Variants in NRDC observed in about 807,000 individuals in gnomAD.
NRDC encodes nardilysin convertase.
A neutral mutation model predicts 147.1 loss-of-function variants in NRDC; 54 were observed. The observed-to-expected ratio is 0.37, with a 90% CI of 0.29 to 0.46. The LOEUF is 0.46. Among genes scored for constraint, NRDC ranks in the 20% least tolerant of loss-of-function variants. The pLI, the probability that NRDC is intolerant of heterozygous loss-of-function variation, is 1.00. For missense variants in NRDC, 1,082 were observed against 1,370.6 expected (o/e 0.79, Z 3.33); for synonymous variants, 440 against 482.1 (o/e 0.91, Z 1.14).
intron 2 of NRDC, among the ~76,000 whole-genome samples, chr1:51,838,252 C>T (rs1322035522): frequency 6.6e-6 from 1 of 152,098 alleles, no homozygotes; most frequent in Non-Finnish European, 1.5e-5. Flanking sequence ...ATTTTAAAAA[C>T]GATCACTAGA....
intron 2 of NRDC, among the ~76,000 whole-genome samples, chr1:51,839,160 C>CTTTTT (rs5774110): frequency 1.5e-5 from 2 of 133,774 alleles, no homozygotes; most frequent in East Asian, 2.2e-4. Context: ...TTTTCTTTTT[C>CTTTTT]TTTTTTTTTT....
At chr1:51,865,152 A>T (rs748026846) in intron 1 of NRDC, among the ~76,000 whole-genome samples, 6 of 152,062 alleles carry the variant, frequency 3.9e-5, no homozygotes, top group Non-Finnish European at 8.8e-5. Context: ...TCAAAATAAA[A>T]TGAATTTTTA....
At chr1:51,832,249 G>C (rs912772979) in intron 4 of NRDC, among the ~76,000 whole-genome samples, 3 of 151,972 alleles carry the variant, frequency 2.0e-5, no homozygotes, top group African/African-American at 7.3e-5. Flanking sequence ...GTTTCACCGT[G>C]TTGGCCAGGC....
At chr1:51,845,804 A>T (rs1239124617) in intron 1 of NRDC, among the ~76,000 whole-genome samples, 1 of 152,192 alleles carries the variant, frequency 6.6e-6, no homozygotes, top group Admixed American at 6.5e-5. Context: ...TCACAGCTAT[A>T]TCCTGGGACA....
At chr1:51,842,729 A>C (rs144563624) in intron 1 of NRDC, among the ~76,000 whole-genome samples, 2 of 152,364 alleles carry the variant, frequency 1.3e-5, no homozygotes, top group African/African-American at 2.4e-5. Flanking sequence ...TTAGGTATAC[A>C]TATATATCCA....
chr1:51,872,081 G>A (rs1343448529), intron 1 of NRDC, among the ~76,000 whole-genome samples: 2 of 152,182 alleles, frequency 1.3e-5, no homozygotes, highest in East Asian at 3.9e-4. Flanking sequence ...ATGTTGGCCA[G>A]GTAGGTCTCC....
At chr1:51,822,400 G>A (rs1486098683) in intron 7 of NRDC, among the ~76,000 whole-genome samples, 1 of 152,022 alleles carries the variant, frequency 6.6e-6, no homozygotes, top group African/African-American at 2.4e-5. Flanking sequence ...TCTAGCCTAG[G>A]CACAGTGGCT....
At chr1:51,872,985 T>C (rs1400087013) in intron 1 of NRDC, among the ~76,000 whole-genome samples, 1 of 152,158 alleles carries the variant, frequency 6.6e-6, no homozygotes, top group East Asian at 1.9e-4. Flanking sequence ...ATGGAAGTCA[T>C]AATGATTTCT....
chr1:51,789,906 A>C (rs1474660463), intron 29 of NRDC: 2 of 493,140 alleles, frequency 4.1e-6, no homozygotes, highest in Non-Finnish European at 7.3e-6. Context: ...GCTAAATACC[A>C]TACACTGAGC....
chr1:51,811,908 G>A (rs377643270), intron 15 of NRDC, 86 bp downstream of exon 15: 24 of 815,572 alleles, frequency 2.9e-5, no homozygotes, highest in Admixed American at 7.0e-5. Flanking sequence ...AGTTTTCTTC[G>A]TTCCCATGGT....
At chr1:51,834,230 C>A in intron 3 of NRDC, 60 bp from the exon 4 acceptor site, 1 of 1,553,966 alleles carries the variant, frequency 6.4e-7, no homozygotes. Flanking sequence ...TTTTATCACA[C>A]ATGAACTTTC....
In NRDC at chr1:51,840,253, T is replaced by G; in HGVS notation, c.603A>C (p.Glu201Asp). ...NELEELEERA[E>D]ARKKTTEKQS... is the part of the protein sequence containing the mutation. ...GTTTTTCAGTAGTTTTTTTTCTAGC[T>G]TCTGCTCTCTCTTCTAATTCTTCCA... The change falls in exon 2 of 31, where the codon GAA becomes GAC. Residue 201 changes from glutamate to aspartate, a missense_variant. Physicochemically the swap from Glu to Asp is conservative, Grantham distance 45. This residue lies in a region of NRDC where 260 missense variants were observed against 253.2 expected (regional missense o/e 1.03). Coordinates refer to ENST00000352171, the MANE Select transcript of NRDC (RefSeq NM_001101662.2). 6.2e-7 allele frequency: 1 copy of G among 1,604,572 alleles called. No individual in the cohort carries two copies. Among genetic ancestry groups the G allele is most frequent in the Non-Finnish European group, 8.5e-7 (1 of 1,176,542 alleles).
At chr1:51,820,662 T>C (rs1416552812) in intron 8 of NRDC, among the ~76,000 whole-genome samples, 2 of 152,162 alleles carry the variant, frequency 1.3e-5, no homozygotes, top group Non-Finnish European at 2.9e-5. Context: ...GAAATTCATA[T>C]AAAGCCAAAT....
Position 51,849,414 on chromosome 1 carries a change from C to CA in NRDC, c.342-8901dup, listed in dbSNP as rs534874809. 2.8e-4 allele frequency among the ~76,000 whole-genome samples: 43 copies of CA among 150,942 alleles called. No homozygotes were observed. In the East Asian group the frequency reaches 4.1e-3, roughly 14 times the overall value. ...TGGGCGACAGGGCAAGACTCCTTCT[C>CA]AAAAAAACAAAACAAAACAAAAAAA... is the stretch of plus-strand genomic sequence containing the variant. On this transcript the variant is annotated intron_variant, in intron 1 of 30. Coordinates refer to ENST00000352171, the MANE Select transcript of NRDC (RefSeq NM_001101662.2).
intron 23 of NRDC, 49 bp from the exon 24 acceptor site, chr1:51,794,659 A>G: frequency 6.2e-7 from 1 of 1,605,420 alleles, no homozygotes; most frequent in Non-Finnish European, 8.5e-7. Context: ...AACTATAAGA[A>G]GCTAGGCCTT....
At chr1:51,807,026 A>G in intron 17 of NRDC, 113 bp from the exon 18 acceptor site, 1 of 1,305,556 alleles carries the variant, frequency 7.7e-7, no homozygotes, top group Non-Finnish European at 1.0e-6. Context: ...AATAAGCCAA[A>G]TTCAAATGTT....
At chr1:51,819,066 C>T (rs375943201) in intron 9 of NRDC, among the ~76,000 whole-genome samples, 66 of 152,236 alleles carry the variant, frequency 4.3e-4, no homozygotes, top group African/African-American at 1.6e-3. Flanking sequence ...CTGTGGGAGG[C>T]GAAGGCAGGC....
At chr1:51,821,834 G>C (rs1272940805) in intron 7 of NRDC, among the ~76,000 whole-genome samples, 1 of 152,084 alleles carries the variant, frequency 6.6e-6, no homozygotes, top group Non-Finnish European at 1.5e-5. Flanking sequence ...TTTAGCATTA[G>C]GCTAGTGTGA....
chr1:51,854,995 C>T (rs1314183688), intron 1 of NRDC, among the ~76,000 whole-genome samples: 1 of 152,114 alleles, frequency 6.6e-6, no homozygotes, highest in African/African-American at 2.4e-5. Flanking sequence ...TACCCATGAG[C>T]CAGTGCTAAC....
Sources: gnomAD v4.1 joint callset for allele counts (sites outside exome capture counted in the v4.1 genomes callset) on GRCh38, gnomAD v4.1.1 for gene constraint, gnomAD v4.1.1 regional missense constraint, MANE v1.5 for transcripts, NCBI Gene and HGNC (gene_info 2026-07-23, HGNC 2026-07-21) for gene names.